The following RGS6 variants were observed in gnomAD, a reference collection of about 807,000 sequenced individuals.
RGS6 encodes the protein regulator of G-protein signaling 6.
RGS6 carries 30 observed loss-of-function variants against 78.5 expected under a neutral mutation model. That is an observed-to-expected ratio of 0.38 (90% CI 0.29 to 0.52). The LOEUF (loss-of-function observed/expected upper bound fraction) is 0.52. Ranked by LOEUF, RGS6 falls within the 20% of genes least tolerant of loss-of-function variation. The pLI is 0.85. For synonymous variants in RGS6, 206 were observed against 206.0 expected, an observed-to-expected ratio of 1.00 and a Z score of 0.00; for missense variants, 495 against 609.7, an observed-to-expected ratio of 0.81 and a Z score of 1.98.
the RGS6 span, among the ~76,000 whole-genome samples, chr14:72,602,803 A>G: frequency 1.3e-5 from 2 of 152,370 alleles, no homozygotes; most frequent in East Asian, 3.9e-4. Context: ...TAATGATTTT[A>G]TGGCACAACT....
chr14:72,341,876 G>A (rs984584400), intron 2 of RGS6, among the ~76,000 whole-genome samples: 1 of 151,520 alleles, frequency 6.6e-6, no homozygotes, highest in African/African-American at 2.4e-5. Flanking sequence ...AGTCCAGGGT[G>A]TCCTTGGGGT....
intron 2 of RGS6, among the ~76,000 whole-genome samples, chr14:72,338,309 G>T (rs1206700083): frequency 2.0e-5 from 3 of 152,232 alleles, no homozygotes; most frequent in Non-Finnish European, 4.4e-5. Context: ...CATGGCAGAA[G>T]GCGAAAGGCA....
At chr14:72,006,568 G>C (rs1480299878) in intron 2 of RGS6, among the ~76,000 whole-genome samples, 1 of 152,226 alleles carries the variant, frequency 6.6e-6, no homozygotes, top group South Asian at 2.1e-4. Flanking sequence ...ATGTGAGTGA[G>C]CTTTGAAGCA....
intron 2 of RGS6, among the ~76,000 whole-genome samples, chr14:72,349,027 G>A (rs1223154334): frequency 2.6e-5 from 4 of 152,070 alleles, no homozygotes; most frequent in South Asian, 2.1e-4. Context: ...TTAGCCAGGC[G>A]TGGTGGCAGG....
At chr14:72,039,926 ATAGTTG>A (rs2153373190) in intron 2 of RGS6, among the ~76,000 whole-genome samples, 1 of 146,300 alleles carries the variant, frequency 6.8e-6, no homozygotes, top group African/African-American at 2.5e-5. Flanking sequence ...AAAACATCTT[ATAGTTG>A]TAACAATCTA....
At position 72,062,229 on chromosome 14, in the gene RGS6, C is replaced by A. The variant is rs114497626; in HGVS notation, c.84+97354C>A. 2.8e-3 allele frequency among the ~76,000 whole-genome samples: 420 copies of A among 152,300 alleles called. 2 individuals carry two copies. Among genetic ancestry groups the A allele is most frequent in the African/African-American group, 9.5e-3 (396 of 41,566 alleles). On this transcript the variant is annotated intron_variant, in intron 2 of 17. Transcript: ENST00000553525. The stretch of plus-strand genomic sequence containing the variant: ...CTTCAAGTGGCATAAATAGCCATTT[C>A]AAAGACCCTGAGGCAGGGATGTAGT...
At chr14:72,209,831 G>T (rs2043623401) in intron 2 of RGS6, among the ~76,000 whole-genome samples, 1 of 152,182 alleles carries the variant, frequency 6.6e-6, no homozygotes, top group African/African-American at 2.4e-5. Flanking sequence ...CAGAGCATAA[G>T]AATGAAGACT....
At chr14:72,464,471 C>T (rs575564278) in intron 6 of RGS6, among the ~76,000 whole-genome samples, 1 of 152,100 alleles carries the variant, frequency 6.6e-6, no homozygotes, top group Non-Finnish European at 1.5e-5. Context: ...CTTCCAGGCT[C>T]CAAAATGTCA....
intron 3 of RGS6, among the ~76,000 whole-genome samples, chr14:72,430,055 T>C (rs980160861): frequency 1.1e-4 from 17 of 152,218 alleles, no homozygotes; most frequent in African/African-American, 4.1e-4. Context: ...TAAACCTTTT[T>C]CCTTTATAAA....
At chr14:72,196,412 C>T (rs1300598537) in intron 2 of RGS6, among the ~76,000 whole-genome samples, 2 of 152,174 alleles carry the variant, frequency 1.3e-5, no homozygotes, top group African/African-American at 4.8e-5. Context: ...CTGTCTGTCC[C>T]CCATCGGGTG....
At chr14:71,979,514 G>A (rs1199321341) in intron 2 of RGS6, among the ~76,000 whole-genome samples, 20 of 151,880 alleles carry the variant, frequency 1.3e-4, no homozygotes, top group African/African-American at 2.2e-4. Flanking sequence ...CCTTCATTTC[G>A]TTATGTACCC....
chr14:72,079,871 CT>C (rs2094744491), intron 2 of RGS6, among the ~76,000 whole-genome samples: 1 of 152,120 alleles, frequency 6.6e-6, no homozygotes, highest in South Asian at 2.1e-4. Context: ...AGATATCCTT[CT>C]TTTTTAAGGC....
chr14:72,042,145 T>TG (rs398025589), intron 2 of RGS6, among the ~76,000 whole-genome samples: 7 of 142,852 alleles, frequency 4.9e-5, no homozygotes, highest in Admixed American at 3.5e-4. Flanking sequence ...TTTTTTTTTT[T>TG]GAGATAGAGT....
chr14:71,951,960 T>C (rs1005259201), intron 1 of RGS6, among the ~76,000 whole-genome samples: 1 of 152,200 alleles, frequency 6.6e-6, no homozygotes, highest in Non-Finnish European at 1.5e-5. Flanking sequence ...TTCATTGACT[T>C]TGCTAAATTC....
In RGS6 at chr14:72,428,814, C is replaced by T. The variant is rs147004801; in HGVS notation, c.185-25714C>T. 4.3e-4 allele frequency among the ~76,000 whole-genome samples: 66 copies of T among 152,274 alleles called. 1 individual carries two copies. In the East Asian group the frequency reaches 0.011, roughly 26 times the overall value. ...TTGGTAAAAAGGAATCCACCCTTTC[C>T]AAACTTTTTCCTAAGTCAGTGGTTG... On this transcript the variant is annotated intron_variant, in intron 3 of 17. Coordinates refer to ENST00000553525, the MANE Select transcript of RGS6 (RefSeq NM_001204424.2).
At chr14:72,079,247 T>A (rs2094715118) in intron 2 of RGS6, among the ~76,000 whole-genome samples, 1 of 152,114 alleles carries the variant, frequency 6.6e-6, no homozygotes. Context: ...TTTTAAGATA[T>A]TATTAAATTT....
intron 3 of RGS6, among the ~76,000 whole-genome samples, chr14:72,410,642 C>T (rs947325282): frequency 1.1e-4 from 17 of 152,112 alleles, no homozygotes; most frequent in Non-Finnish European, 7.4e-5. Context: ...AAGTCCTTGC[C>T]CACGCCTATG....
At chr14:72,580,314 C>CCCG in the RGS6 span, among the ~76,000 whole-genome samples, 1 of 145,276 alleles carries the variant, frequency 6.9e-6, no homozygotes, top group African/African-American at 2.7e-5. Context: ...ATGTCCCCCC[C>CCCG]ACCCCGACCC....
chr14:72,035,388 G>A (rs4902973), intron 2 of RGS6, among the ~76,000 whole-genome samples: 146,195 of 152,052 alleles, frequency 0.96, 70,343 homozygotes, highest in African/African-American at 0.99. Context: ...TATTTAGTCT[G>A]AGGATTTATC....
Sources: allele counts gnomAD v4.1 joint callset (sites outside exome capture counted in the v4.1 genomes callset), GRCh38; gene constraint gnomAD v4.1.1; transcripts MANE v1.5; gene names NCBI Gene and HGNC (gene_info 2026-07-23, HGNC 2026-07-21).